The following TBC1D8 variants were observed in gnomAD, a reference collection of about 807,000 sequenced individuals.
The protein encoded by TBC1D8 is TBC1 domain family member 8, also known as BUB2-like protein 1.
TBC1D8 carries 65 observed loss-of-function variants against 118.8 expected under a neutral mutation model. The ratio of observed to expected loss-of-function variants is 0.55; its 90% confidence interval spans 0.45 to 0.67. The LOEUF (loss-of-function observed/expected upper bound fraction) is 0.67. TBC1D8 is among the 30% of genes least tolerant of loss of function. The pLI is 0.00. For missense variants in TBC1D8, 1,376 were observed against 1,471.2 expected, an observed-to-expected ratio of 0.94 and a Z score of 1.06; for synonymous variants, 566 against 595.8, an observed-to-expected ratio of 0.95 and a Z score of 0.73.
At chr2:101,056,574 T>C (rs184366651) in intron 3 of TBC1D8, among the ~76,000 whole-genome samples, 1 of 152,364 alleles carries the variant, frequency 6.6e-6, no homozygotes, top group Admixed American at 6.5e-5. Context: ...TTTTTCTCTA[T>C]TTCCCACATT....
intron 2 of TBC1D8, among the ~76,000 whole-genome samples, chr2:101,081,458 T>A (rs1020601737): frequency 1.3e-5 from 2 of 152,196 alleles, no homozygotes; most frequent in Admixed American, 1.3e-4. Context: ...AACAAACTAC[T>A]GGAGCAGCCC....
Position 101,108,842 on chromosome 2 carries a change from G to C in TBC1D8, c.128-18478C>G, listed in dbSNP as rs143549500. ...ACGGGGACCTAACATTCACAGGATG[G>C]AGCCTTTATTCAGCCTACCACAATA... On this transcript the variant is annotated intron_variant, in intron 1 of 19. Coordinates refer to ENST00000409318, the MANE Select transcript of TBC1D8 (RefSeq NM_001330348.2). 2.6e-3 allele frequency among the ~76,000 whole-genome samples: 398 copies of C among 151,982 alleles called. 4 individuals carry two copies. Among genetic ancestry groups the C allele is most frequent in the East Asian group, 3.9e-3 (20 of 5,162 alleles).
At chr2:101,096,255 G>A (rs1443725978) in intron 1 of TBC1D8, among the ~76,000 whole-genome samples, 1 of 151,756 alleles carries the variant, frequency 6.6e-6, no homozygotes, top group African/African-American at 2.4e-5. Flanking sequence ...AAAGACAAAT[G>A]GAGAGACCAT....
Position 101,070,447 on chromosome 2 carries a change from C to G in TBC1D8, c.284-10908G>C, listed in dbSNP as rs1304944627. 2.1e-5 allele frequency among the ~76,000 whole-genome samples: 3 copies of G among 144,368 alleles called. No homozygotes were observed. The Admixed American group carries it at 2.1e-4, about 10-fold the overall frequency. The allele number at this position is 144,368 out of a possible 152,430, so 94.7% of individuals were successfully genotyped here. A position where few individuals can be genotyped will look rare whatever the true frequency, so the allele number is the denominator to read the frequency against. On this transcript the variant is annotated intron_variant, in intron 2 of 19. Coordinates refer to ENST00000409318, the MANE Select transcript of TBC1D8 (RefSeq NM_001330348.2). ...TTTTTTTTTGAGATAGAGTCTCACT[C>G]TGTTGCCCAGGCTGGAGTGCAGTGG... is the stretch of plus-strand genomic sequence containing the variant.
chr2:101,111,673 T>TA (rs1246977434), intron 1 of TBC1D8, among the ~76,000 whole-genome samples: 4 of 152,172 alleles, frequency 2.6e-5, no homozygotes, highest in Admixed American at 2.6e-4. Flanking sequence ...TGGAGCGAGT[T>TA]ACGCTACCTG....
At chr2:101,138,843 G>A (rs1678975176) in intron 1 of TBC1D8, among the ~76,000 whole-genome samples, 2 of 152,038 alleles carry the variant, frequency 1.3e-5, no homozygotes, top group South Asian at 4.2e-4. Flanking sequence ...TTAATCTCCA[G>A]CCCCTGCTCC....
At chr2:101,051,524 C>T (rs1367166586) in intron 4 of TBC1D8, among the ~76,000 whole-genome samples, 3 of 152,080 alleles carry the variant, frequency 2.0e-5, no homozygotes, top group Non-Finnish European at 4.4e-5. Flanking sequence ...CAGAAGCCTA[C>T]AGAATAGGGG....
Position 101,054,244 on chromosome 2 carries a change from C to A in TBC1D8, c.495G>T (p.Arg165Ser), listed in dbSNP as rs770172911. ...FREALVKFEA[R>S]FNFPEAEKLV... is the part of the protein sequence containing the mutation. ...GCTTCTCCGCCTCGGGGAAGTTGAA[C>A]CTGGCCTCGAACTTCACCAGGGCTT... Residue 165 changes from arginine to serine, a missense_variant, in exon 4 of 20, where the codon AGG becomes AGT. Arg to Ser is a moderately radical substitution (Grantham distance 110). Transcript: ENST00000409318. 6.2e-7 allele frequency: 1 copy of A among 1,606,168 alleles called. No homozygotes were observed. Among genetic ancestry groups the A allele is most frequent in the South Asian group, 1.1e-5 (1 of 89,380 alleles).
At chr2:101,017,955 T>A in intron 17 of TBC1D8, 1 of 1,549,268 alleles carries the variant, frequency 6.5e-7, no homozygotes, top group Non-Finnish European at 8.7e-7. Context: ...CTCTACTTGG[T>A]GAAAAGTCAT....
chr2:101,028,627 C>T, intron 12 of TBC1D8, 195 bp from the exon 13 acceptor site: 2 of 700,056 alleles, frequency 2.9e-6, no homozygotes, highest in Non-Finnish European at 4.3e-6. Flanking sequence ...TTGGGCTCCA[C>T]AGGTGGCTTT....
chr2:101,101,772 A>G (rs1401557133), intron 1 of TBC1D8, among the ~76,000 whole-genome samples: 2 of 152,146 alleles, frequency 1.3e-5, no homozygotes, highest in African/African-American at 4.8e-5. Flanking sequence ...GGAAGCCATG[A>G]TCCTCAGCAA....
chr2:101,122,893 C>T (rs943812436), intron 1 of TBC1D8, among the ~76,000 whole-genome samples: 1 of 151,874 alleles, frequency 6.6e-6, no homozygotes, highest in African/African-American at 2.4e-5. Context: ...TTGCCACAGC[C>T]GGGAATATAG....
intron 2 of TBC1D8, among the ~76,000 whole-genome samples, chr2:101,087,891 T>C (rs1675745415): frequency 6.6e-6 from 1 of 152,154 alleles, no homozygotes. Flanking sequence ...CTTCAAACAT[T>C]GTTTTTCAAA....
At chr2:101,125,739 T>G (rs1464550490) in intron 1 of TBC1D8, among the ~76,000 whole-genome samples, 1 of 152,248 alleles carries the variant, frequency 6.6e-6, no homozygotes, top group East Asian at 1.9e-4. Context: ...CCCAGAGACT[T>G]AAGGATATCT....
intron 1 of TBC1D8, among the ~76,000 whole-genome samples, chr2:101,096,678 G>A (rs1261348000): frequency 6.6e-6 from 1 of 152,042 alleles, no homozygotes; most frequent in African/African-American, 2.4e-5. Context: ...AAGGAAAAAT[G>A]AAGACTGCCT....
Position 101,019,918 on chromosome 2 carries a change from A to G in TBC1D8, c.2827+1763T>C, listed in dbSNP as rs149480830. ...CCTATCTCTGCTAAAAAAAAATACA[A>G]AAAATTAGCTGGGCATGGTGGTGGG... On this transcript the variant is annotated intron_variant, in intron 17 of 19. Transcript: ENST00000409318. Among the ~76,000 whole-genome samples the G allele has an allele frequency of 5.7e-3, 865 of 152,096 alleles. 3 individuals are homozygous for G. Among genetic ancestry groups the G allele is most frequent in the Non-Finnish European group, 8.2e-3 (558 of 67,982 alleles).
At position 101,028,364 on chromosome 2, in the gene TBC1D8, G is replaced by A. The variant is rs1680471102; in HGVS notation, c.2291C>T (p.Ser764Phe). The A allele has an allele frequency of 3.7e-6, 6 of 1,612,018 alleles. No homozygotes were observed. The highest frequency in any genetic ancestry group is 5.1e-6 in the Non-Finnish European group (6 of 1,179,130). ...PPVGSHHAFFSDDQEPYPVTD... is the reference protein window; with the variant it reads ...PPVGSHHAFFFDDQEPYPVTD... ...CACAGGGTAGGGCTCCTGGTCGTCGGAGAAAAAGGCATGGTGGCTGCCAAC... is the reference window on the plus strand; with the variant it reads ...CACAGGGTAGGGCTCCTGGTCGTCGAAGAAAAAGGCATGGTGGCTGCCAAC... The change falls in exon 13 of 20, where the codon TCC becomes TTC. Residue 764 changes from serine to phenylalanine, a missense_variant. Transcript: ENST00000409318.
intron 7 of TBC1D8, 125 bp from the exon 8 acceptor site, chr2:101,037,833 G>C (rs1284723429): frequency 8.3e-7 from 1 of 1,205,888 alleles, no homozygotes; most frequent in African/African-American, 1.5e-5. Flanking sequence ...TGACTCAGGG[G>C]GAAGACAGAC....
chr2:101,035,079 A>G lies in TBC1D8; in HGVS notation c.1603+939T>C, dbSNP rs559357843. ...AGTTGGGGGATAGACAAGGAACCAGAAAGAGGCTGATAGTGAAGTAGGACA... is the reference window on the plus strand; with the variant it reads ...AGTTGGGGGATAGACAAGGAACCAGGAAGAGGCTGATAGTGAAGTAGGACA... On this transcript the variant is annotated intron_variant, in intron 9 of 19. Transcript: ENST00000409318. Among the ~76,000 whole-genome samples, 60 of 152,268 alleles carry G rather than the reference A, an allele frequency of 3.9e-4. No individual in the cohort carries two copies. In the South Asian group the frequency reaches 0.01, roughly 26 times the overall value.
Sources: gnomAD v4.1 joint callset for allele counts (sites outside exome capture counted in the v4.1 genomes callset) on GRCh38, gnomAD v4.1.1 for gene constraint, MANE v1.5 for transcripts, NCBI Gene and HGNC (gene_info 2026-07-23, HGNC 2026-07-21) for gene names.